Variants in SULF1 observed in about 807,000 individuals in gnomAD.
SULF1 encodes sulfatase 1.
In SULF1, 46 loss-of-function variants were observed where a neutral mutation model predicts 110.5. That is an observed-to-expected ratio of 0.42 (90% CI 0.33 to 0.53). SULF1 has a LOEUF of 0.53. Ranked by LOEUF, SULF1 falls within the 20% of genes least tolerant of loss-of-function variation. The pLI is 0.12. For synonymous variants in SULF1, 371 were observed against 387.1 expected (o/e 0.96, Z 0.49); for missense variants, 941 against 1,094.2 (o/e 0.86, Z 1.98).
chr8:69,623,471 A>G (rs574454408), intron 14 of SULF1, among the ~76,000 whole-genome samples: 1 of 152,310 alleles, frequency 6.6e-6, no homozygotes, highest in East Asian at 1.9e-4. Flanking sequence ...GTCTTTCAAG[A>G]CTCCAGATTA....
At chr8:69,582,566 G>A (rs1806150552) in intron 6 of SULF1, among the ~76,000 whole-genome samples, 1 of 151,994 alleles carries the variant, frequency 6.6e-6, no homozygotes. Flanking sequence ...AGTTGGGGGA[G>A]GGAGAAGTGA....
chr8:69,576,667 C>T (rs765752032), intron 6 of SULF1, among the ~76,000 whole-genome samples: 7 of 152,144 alleles, frequency 4.6e-5, no homozygotes, highest in Non-Finnish European at 8.8e-5. Flanking sequence ...GAACATCATG[C>T]CAGTCTTTCT....
intron 3 of SULF1, among the ~76,000 whole-genome samples, chr8:69,508,796 G>A (rs1811364719): frequency 6.6e-6 from 1 of 152,150 alleles, no homozygotes; most frequent in Non-Finnish European, 1.5e-5. Flanking sequence ...ATTCATGGGA[G>A]CCTGATCTAG....
At chr8:69,554,601 G>A (rs1196706417) in intron 3 of SULF1, among the ~76,000 whole-genome samples, 1 of 151,862 alleles carries the variant, frequency 6.6e-6, no homozygotes, top group Non-Finnish European at 1.5e-5. Context: ...ATCTATAAAT[G>A]TTAGGAAAGT....
chr8:69,522,188 C>T (rs1030479547), intron 3 of SULF1, among the ~76,000 whole-genome samples: 5 of 151,952 alleles, frequency 3.3e-5, no homozygotes, highest in African/African-American at 1.2e-4. Context: ...GTAGCTGGGA[C>T]TACAGGTGCC....
chr8:69,613,656 G>C (rs910484925), intron 13 of SULF1, among the ~76,000 whole-genome samples: 2 of 152,102 alleles, frequency 1.3e-5, no homozygotes, highest in African/African-American at 4.8e-5. Context: ...TGACAAACCT[G>C]AGTTCAAACC....
rs76325758 is a variant in SULF1 at position 69,607,331 on chromosome 8, T to C, written c.1377+2399T>C. Among the ~76,000 whole-genome samples the C allele has an allele frequency of 7.4e-3, 1,121 of 152,280 alleles. 12 individuals are homozygous for C. Among genetic ancestry groups the C allele is most frequent in the African/African-American group, 0.026 (1,062 of 41,564 alleles). ...CTTAATCTTTAAAGCAGTTATTGAA[T>C]CTGTGGGTCAAACCTGATAGCTGTG... On this transcript the variant is annotated intron_variant, in intron 13 of 22. Coordinates refer to ENST00000402687, the MANE Select transcript of SULF1 (RefSeq NM_001128205.2).
At chr8:69,602,554 G>T (rs1039135823) in intron 10 of SULF1, among the ~76,000 whole-genome samples, 2 of 152,256 alleles carry the variant, frequency 1.3e-5, no homozygotes, top group Non-Finnish European at 2.9e-5. Flanking sequence ...GACAGCGTCA[G>T]TGCCCCTCTC....
chr8:69,644,186 C>T (rs1343477686), intron 22 of SULF1, among the ~76,000 whole-genome samples: 1 of 152,188 alleles, frequency 6.6e-6, no homozygotes, highest in African/African-American at 2.4e-5. Context: ...CCAAAGGTGG[C>T]TGTGGGTGAC....
upstream of SULF1, among the ~76,000 whole-genome samples, chr8:69,492,506 T>C (rs1809992641): frequency 6.6e-6 from 1 of 152,116 alleles, no homozygotes; most frequent in Admixed American, 6.5e-5. Flanking sequence ...ATACCACATC[T>C]TCCCATCCAC....
intron 14 of SULF1, 69 bp from the exon 15 acceptor site, chr8:69,623,873 G>A: frequency 1.3e-6 from 2 of 1,543,646 alleles, no homozygotes; most frequent in Non-Finnish European, 8.8e-7. Flanking sequence ...TTCTGGACCA[G>A]GTGATCACTT....
chr8:69,571,808 G>A (rs1805254447), intron 5 of SULF1, among the ~76,000 whole-genome samples: 1 of 152,154 alleles, frequency 6.6e-6, no homozygotes, highest in Non-Finnish European at 1.5e-5. Flanking sequence ...ATATATACAG[G>A]GTAAGGCAGT....
intron 6 of SULF1, among the ~76,000 whole-genome samples, chr8:69,585,045 A>G (rs1232893381): frequency 1.3e-5 from 2 of 152,214 alleles, no homozygotes; most frequent in Non-Finnish European, 2.9e-5. Context: ...AAATCTGTTT[A>G]ATGAAGCCAG....
At position 69,623,944 on chromosome 8, in the gene SULF1, T is replaced by G; in HGVS notation, c.1597T>G (p.Tyr533Asp). 1 of 1,612,448 alleles carries G rather than the reference T, an allele frequency of 6.2e-7. No individual in the cohort carries two copies. Among genetic ancestry groups the G allele is most frequent in the African/African-American group, 1.3e-5 (1 of 75,038 alleles). Residue 533 changes from tyrosine (Y) to aspartate (D), a missense_variant and splice_region_variant, in exon 15 of 23, where the codon TAC becomes GAC. Tyr to Asp is a radical substitution (Grantham distance 160, BLOSUM62 -3). Coordinates refer to ENST00000402687, the MANE Select transcript of SULF1 (RefSeq NM_001128205.2). Reference protein sequence around the residue: ...QFLRNQGTPKYKPRFVHTRQT... With the variant: ...QFLRNQGTPKDKPRFVHTRQT... ...AATGTATCTTCCCTTACTTCTAGAG[T>G]ACAAGCCCAGATTTGTCCATACTCG... is the stretch of plus-strand genomic sequence containing the variant.
intron 3 of SULF1, among the ~76,000 whole-genome samples, chr8:69,519,257 C>T (rs1369237324): frequency 2.6e-5 from 4 of 152,162 alleles, no homozygotes. Context: ...GTGACAGGGA[C>T]TCATTCATCT....
In SULF1 at chr8:69,579,566, A is replaced by AC. The variant is rs1563550387; in HGVS notation, c.412+3357_412+3358insC. 3.5e-3 allele frequency among the ~76,000 whole-genome samples: 513 copies of AC among 146,308 alleles called. 9 individuals carry two copies. The highest frequency in any genetic ancestry group is 0.031 in the Admixed American group (457 of 14,610). On this transcript the variant is annotated intron_variant, in intron 6 of 22. Transcript: ENST00000402687. ...TCTGTCACACACACACACACACACA[A>AC]AAAAAAAAAAAAATGGGAAGACTGA...
At chr8:69,567,517 C>G (rs140626444) in intron 5 of SULF1, among the ~76,000 whole-genome samples, 1 of 152,292 alleles carries the variant, frequency 6.6e-6, no homozygotes, top group African/African-American at 2.4e-5. Context: ...ATCCTGGCAA[C>G]TATCATTCTA....
chr8:69,522,583 T>C (rs555469889), intron 3 of SULF1, among the ~76,000 whole-genome samples: 2 of 152,318 alleles, frequency 1.3e-5, no homozygotes, highest in East Asian at 3.9e-4. Flanking sequence ...TAGCATAATG[T>C]CAACAAGTAT....
In SULF1 at chr8:69,603,239, ATATT is replaced by A; in HGVS notation, c.1110_1113del (p.Asp370GlufsTer42). 2 of 1,614,122 alleles carry A rather than the reference ATATT, an allele frequency of 1.2e-6. No individual in the cohort carries two copies. The highest frequency in any genetic ancestry group is 1.7e-6 in the Non-Finnish European group (2 of 1,180,012). ...ATTGACTTGGCCCCCACGATCCTGG[ATATT>A]GCTGGGCTCGACACACCTCCTGATG... On this transcript the variant is annotated frameshift_variant, in exon 11 of 23. Coordinates refer to ENST00000402687, the MANE Select transcript of SULF1 (RefSeq NM_001128205.2). LOFTEE classifies it high-confidence loss of function.
Sources: gnomAD v4.1 joint callset for allele counts (sites outside exome capture counted in the v4.1 genomes callset) on GRCh38, gnomAD v4.1.1 for gene constraint, MANE v1.5 for transcripts, NCBI Gene and HGNC (gene_info 2026-07-23, HGNC 2026-07-21) for gene names.